Variants in L3MBTL3 observed in about 807,000 individuals in gnomAD.
L3MBTL3 encodes L3MBTL histone methyl-lysine binding protein 3.
L3MBTL3 carries 27 observed loss-of-function variants against 102.3 expected under a neutral mutation model. The ratio of observed to expected loss-of-function variants is 0.26; its 90% confidence interval spans 0.19 to 0.36. The LOEUF (loss-of-function observed/expected upper bound fraction) is 0.36, where lower values mean the gene tolerates loss of function less well. Among genes scored for constraint, L3MBTL3 ranks in the 10% least tolerant of loss-of-function variants. L3MBTL3 has a pLI of 1.00. For synonymous variants in L3MBTL3, 340 were observed against 320.9 expected, an observed-to-expected ratio of 1.06 and a Z score of -0.64; for missense variants, 798 against 955.3, an observed-to-expected ratio of 0.84 and a Z score of 2.17.
intron 18 of L3MBTL3, among the ~76,000 whole-genome samples, chr6:130,097,916 A>G (rs1168177934): frequency 6.6e-6 from 1 of 152,004 alleles, no homozygotes; most frequent in Non-Finnish European, 1.5e-5. Flanking sequence ...AAAAATACAA[A>G]ATTAGCCGGA....
chr6:130,132,515 G>T (rs1787165925), intron 20 of L3MBTL3, among the ~76,000 whole-genome samples: 1 of 152,196 alleles, frequency 6.6e-6, no homozygotes, highest in Admixed American at 6.5e-5. Context: ...GAATTGAGGT[G>T]TCCTTGTAAC....
At chr6:130,069,981 G>A (rs757137578) in intron 12 of L3MBTL3, among the ~76,000 whole-genome samples, 6 of 152,052 alleles carry the variant, frequency 3.9e-5, no homozygotes, top group African/African-American at 1.2e-4. Context: ...TCAGATACAC[G>A]GCTGTCTACA....
intron 3 of L3MBTL3, 28 bp downstream of exon 3, chr6:130,042,829 TG>T: frequency 7.2e-7 from 1 of 1,393,242 alleles, no homozygotes; most frequent in Non-Finnish European, 1.0e-6. Context: ...CATACAATTA[TG>T]TGTGTGTGCA....
intron 18 of L3MBTL3, among the ~76,000 whole-genome samples, chr6:130,100,999 G>T (rs1490225740): frequency 6.6e-6 from 1 of 152,144 alleles, no homozygotes; most frequent in Admixed American, 6.5e-5. Context: ...GTATAACAAT[G>T]AATGAAATGC....
intron 13 of L3MBTL3, among the ~76,000 whole-genome samples, chr6:130,076,408 T>G (rs968427140): frequency 6.6e-6 from 1 of 152,184 alleles, no homozygotes; most frequent in Admixed American, 6.6e-5. Context: ...TTGATTTCCA[T>G]AAAATGAGGA....
At chr6:130,098,261 A>G (rs1354551275) in intron 18 of L3MBTL3, among the ~76,000 whole-genome samples, 1 of 152,218 alleles carries the variant, frequency 6.6e-6, no homozygotes, top group African/African-American at 2.4e-5. Flanking sequence ...AGCTGTAAAC[A>G]TCATATTAAT....
intron 19 of L3MBTL3, among the ~76,000 whole-genome samples, chr6:130,108,031 A>G (rs1785093956): frequency 6.6e-6 from 1 of 152,126 alleles, no homozygotes; most frequent in Non-Finnish European, 1.5e-5. Flanking sequence ...GTGATTAGGA[A>G]CATGGGGCAC....
At position 130,056,171 on chromosome 6, in the gene L3MBTL3, G is replaced by A. The variant is rs113426250; in HGVS notation, c.667+916G>A. 7.6e-3 allele frequency among the ~76,000 whole-genome samples: 1,159 copies of A among 152,230 alleles called. 15 individuals carry two copies. The highest frequency in any genetic ancestry group is 0.025 in the African/African-American group (1,024 of 41,532). On this transcript the variant is annotated intron_variant, in intron 8 of 22. Transcript: ENST00000361794. ...TCGAACTCCTGACCTCAAGCCATCT[G>A]CCCGTGTCTACCTCCCAAAGTGCTG...
At chr6:130,094,104 T>A (rs1051861854) in intron 17 of L3MBTL3, among the ~76,000 whole-genome samples, 161 bp from the exon 18 acceptor site, 4 of 152,226 alleles carry the variant, frequency 2.6e-5, no homozygotes, top group Non-Finnish European at 4.4e-5. Context: ...TTAAAATATT[T>A]TTCATTTTTA....
intron 22 of L3MBTL3, among the ~76,000 whole-genome samples, 181 bp from the exon 23 acceptor site, chr6:130,139,429 T>C (rs1316977219): frequency 6.6e-6 from 1 of 152,246 alleles, no homozygotes; most frequent in Non-Finnish European, 1.5e-5. Flanking sequence ...CAGTCCACTT[T>C]GGGATGTGTC....
chr6:130,064,485 G>C (rs1782112652), intron 10 of L3MBTL3, among the ~76,000 whole-genome samples: 1 of 152,080 alleles, frequency 6.6e-6, no homozygotes, highest in Non-Finnish European at 1.5e-5. Context: ...AAAATGCCAG[G>C]GTATTGGATA....
At chr6:130,025,071 C>T (rs1003050203) in intron 2 of L3MBTL3, among the ~76,000 whole-genome samples, 3 of 152,080 alleles carry the variant, frequency 2.0e-5, no homozygotes, top group Admixed American at 6.6e-5. Flanking sequence ...TGGATTGAGG[C>T]GATTCTTTCT....
intron 16 of L3MBTL3, among the ~76,000 whole-genome samples, chr6:130,086,567 T>A (rs962277480): frequency 1.3e-5 from 2 of 152,198 alleles, no homozygotes; most frequent in Non-Finnish European, 2.9e-5. Flanking sequence ...TGCCCTTTTT[T>A]AAAAAAATTG....
intron 19 of L3MBTL3, among the ~76,000 whole-genome samples, chr6:130,117,591 T>C (rs1280545703): frequency 6.6e-6 from 1 of 152,230 alleles, no homozygotes; most frequent in African/African-American, 2.4e-5. Context: ...GATTTCATTT[T>C]TGTGTAGAGA....
chr6:130,069,432 G>C (rs1022114600), intron 12 of L3MBTL3, among the ~76,000 whole-genome samples: 2 of 152,204 alleles, frequency 1.3e-5, no homozygotes, highest in African/African-American at 4.8e-5. Context: ...AATGTTTTCT[G>C]ATTTAATCAA....
At chr6:130,032,715 G>A (rs1214745632) in intron 2 of L3MBTL3, among the ~76,000 whole-genome samples, 2 of 152,320 alleles carry the variant, frequency 1.3e-5, no homozygotes, top group African/African-American at 4.8e-5. Flanking sequence ...ATCAGGCTGG[G>A]CGTGGTGGCT....
chr6:130,026,256 CACTG>C (rs993545137), intron 2 of L3MBTL3, among the ~76,000 whole-genome samples: 2 of 152,124 alleles, frequency 1.3e-5, no homozygotes, highest in Non-Finnish European at 1.5e-5. Context: ...CTGTTCTAGG[CACTG>C]ACTATTACCT....
chr6:130,120,990 G>A (rs763095847), intron 20 of L3MBTL3, 32 bp downstream of exon 20: 3 of 1,311,580 alleles, frequency 2.3e-6, no homozygotes, highest in African/African-American at 1.5e-5. Flanking sequence ...TTACTAATGT[G>A]TATTACTGCT....
chr6:130,049,505 C>G, intron 4 of L3MBTL3, 112 bp downstream of exon 4: 2 of 763,078 alleles, frequency 2.6e-6, no homozygotes, highest in Middle Eastern at 2.4e-4. Flanking sequence ...ATTTTTGTGC[C>G]TCATGTTGTT....
Sources: allele counts gnomAD v4.1 joint callset (sites outside exome capture counted in the v4.1 genomes callset), GRCh38; gene constraint gnomAD v4.1.1; transcripts MANE v1.5; gene names NCBI Gene and HGNC (gene_info 2026-07-23, HGNC 2026-07-21).